CACNB2: variants seen among roughly 807,000 people sequenced by gnomAD.
The protein encoded by CACNB2 is calcium voltage-gated channel auxiliary subunit beta 2, also known as voltage-dependent L-type calcium channel subunit beta-2.
In CACNB2, 42 loss-of-function variants were observed where a neutral mutation model predicts 73.3. The ratio of observed to expected loss-of-function variants is 0.57; its 90% CI spans 0.45 to 0.74. CACNB2 has a LOEUF of 0.74. Ranked by LOEUF, CACNB2 falls within the 30% of genes least tolerant of loss-of-function variation. The probability of loss-of-function intolerance (pLI) is 0.00; values close to 1 mark genes in which losing one functional copy is unlikely to be tolerated. For synonymous variants in CACNB2, 348 were observed against 310.3 expected, an observed-to-expected ratio of 1.12 and a Z score of -1.28; for missense variants, 940 against 853.0, an observed-to-expected ratio of 1.10 and a Z score of -1.27.
intron 3 of CACNB2, among the ~76,000 whole-genome samples, chr10:18,468,009 G>A (rs956107232): frequency 2.0e-5 from 3 of 152,152 alleles, no homozygotes; most frequent in Non-Finnish European, 4.4e-5. Flanking sequence ...AATTCACAAT[G>A]TATGACTTGG....
intron 2 of CACNB2, among the ~76,000 whole-genome samples, chr10:18,318,580 G>T (rs1484341529): frequency 6.6e-6 from 1 of 152,000 alleles, no homozygotes; most frequent in African/African-American, 2.4e-5. Context: ...AAAGCAATTA[G>T]AACAAAAGCC....
intron 2 of CACNB2, among the ~76,000 whole-genome samples, chr10:18,251,106 A>T (rs1193805173): frequency 2.6e-5 from 4 of 152,200 alleles, no homozygotes; most frequent in Non-Finnish European, 1.5e-5. Context: ...ACTCAGTGGG[A>T]TTGTTTAATA....
chr10:18,167,293 C>A (rs963898090), intron 2 of CACNB2, among the ~76,000 whole-genome samples: 3 of 151,972 alleles, frequency 2.0e-5, no homozygotes, highest in Non-Finnish European at 4.4e-5. Context: ...ACACTGGGGC[C>A]TCCAAAAGGG....
intron 3 of CACNB2, among the ~76,000 whole-genome samples, chr10:18,446,752 A>G (rs2046754115): frequency 6.6e-6 from 1 of 152,080 alleles, no homozygotes; most frequent in Non-Finnish European, 1.5e-5. Flanking sequence ...TCCCATACTT[A>G]TTTGTCCACA....
At chr10:18,235,462 T>C (rs1426258393) in intron 2 of CACNB2, among the ~76,000 whole-genome samples, 1 of 152,176 alleles carries the variant, frequency 6.6e-6, no homozygotes, top group Non-Finnish European at 1.5e-5. Flanking sequence ...TGTCTCTAAA[T>C]TTTTTAAATT....
chr10:18,412,993 G>T (rs947757794), intron 3 of CACNB2, among the ~76,000 whole-genome samples: 4 of 152,064 alleles, frequency 2.6e-5, no homozygotes, highest in Non-Finnish European at 5.9e-5. Context: ...TTTTTGAGAT[G>T]GAGTTTTACT....
intron 3 of CACNB2, among the ~76,000 whole-genome samples, chr10:18,429,936 G>A (rs553224936): frequency 3.3e-5 from 5 of 151,994 alleles, no homozygotes; most frequent in Non-Finnish European, 5.9e-5. Flanking sequence ...CTGTGATCGC[G>A]CCACTGCACT....
chr10:18,534,225 A>C lies in CACNB2; in HGVS notation c.1204A>C (p.Lys402Gln). The change falls in exon 11 of 14, where the codon AAG (lysine) becomes CAG (glutamine). Residue 402 changes from lysine to glutamine, a missense_variant and splice_region_variant. Coordinates refer to ENST00000324631, the MANE Select transcript of CACNB2 (RefSeq NM_201596.3). ...AGTATATGTAAAGATTTCTTCTCCTAAGGTAAGTAGGACTGCTACTGTTTG... is the reference window on the plus strand; with the variant it reads ...AGTATATGTAAAGATTTCTTCTCCTCAGGTAAGTAGGACTGCTACTGTTTG... ...IIVYVKISSP[K>Q]VLQRLIKSRG... 6.2e-7 allele frequency: 1 copy of C among 1,611,824 alleles called. No individual in the cohort carries two copies. Among genetic ancestry groups the C allele is most frequent in the South Asian group, 1.1e-5 (1 of 91,028 alleles).
At chr10:18,503,043 T>G (rs1400780896) in intron 5 of CACNB2, among the ~76,000 whole-genome samples, 2 of 152,190 alleles carry the variant, frequency 1.3e-5, no homozygotes, top group Non-Finnish European at 2.9e-5. Flanking sequence ...ATCATTATCA[T>G]TAGCAGCAGT....
intron 2 of CACNB2, among the ~76,000 whole-genome samples, chr10:18,288,863 G>A (rs537549666): frequency 2.6e-5 from 4 of 152,186 alleles, no homozygotes; most frequent in South Asian, 2.1e-4. Flanking sequence ...TGGTCAACAC[G>A]GTGAAACCCT....
intron 2 of CACNB2, among the ~76,000 whole-genome samples, chr10:18,362,750 C>T (rs1196150275): frequency 1.3e-5 from 2 of 152,138 alleles, no homozygotes; most frequent in Admixed American, 1.3e-4. Flanking sequence ...AAACCCGTCT[C>T]TACCAAAAAT....
intron 2 of CACNB2, among the ~76,000 whole-genome samples, chr10:18,327,461 G>A (rs2040630174): frequency 6.6e-6 from 1 of 152,100 alleles, no homozygotes; most frequent in Admixed American, 6.5e-5. Context: ...GTCTCCCTCT[G>A]CCACCTAGGC....
Position 18,470,760 on chromosome 10 carries a change from A to G in CACNB2, c.334-27595A>G, listed in dbSNP as rs138223669. 6.0e-3 allele frequency among the ~76,000 whole-genome samples: 911 copies of G among 152,158 alleles called. 5 individuals carry two copies. Among genetic ancestry groups the G allele is most frequent in the African/African-American group, 0.02 (831 of 41,518 alleles). On this transcript the variant is annotated intron_variant, in intron 3 of 13. Transcript: ENST00000324631. ...CGTCTGGCACCTGGTAGGCATTGAG[A>G]TGTTTGTTGCAATCTTTCTCAAATG...
intron 2 of CACNB2, among the ~76,000 whole-genome samples, chr10:18,383,998 G>A (rs192680289): frequency 1.1e-4 from 17 of 152,242 alleles, no homozygotes; most frequent in African/African-American, 2.6e-4. Context: ...GAGCCACCAC[G>A]CCCAGCCATA....
intron 3 of CACNB2, among the ~76,000 whole-genome samples, chr10:18,423,111 C>T (rs1037097285): frequency 1.3e-5 from 2 of 150,200 alleles, no homozygotes; most frequent in Non-Finnish European, 3.0e-5. Context: ...GTTTGGAGGT[C>T]ATCATATTTT....
intron 3 of CACNB2, among the ~76,000 whole-genome samples, chr10:18,444,479 T>C (rs547689394): frequency 2.0e-4 from 30 of 152,228 alleles, no homozygotes; most frequent in Non-Finnish European, 4.0e-4. Flanking sequence ...CCTTCACAGA[T>C]GATAATTCAT....
At chr10:18,432,024 A>C (rs749533771) in intron 3 of CACNB2, among the ~76,000 whole-genome samples, 13 of 152,300 alleles carry the variant, frequency 8.5e-5, no homozygotes, top group Non-Finnish European at 1.6e-4. Flanking sequence ...TAGTCTCCCA[A>C]AGAGCTGGGA....
rs779816413 is a variant in CACNB2, at chr10:18,498,421, C to G, written c.400C>G (p.Pro134Ala). The change falls in exon 4 of 14, where the codon CCA becomes GCA. Residue 134 changes from proline to alanine, a missense_variant. Transcript: ENST00000324631. ...CAGTGCGGCCCATGAAGATGATGTT[C>G]CAGTGCCTGGCATGGCCATCTCATT... is the stretch of plus-strand genomic sequence containing the variant. ...SYSAAHEDDV[P>A]VPGMAISFEA... is the part of the protein sequence containing the mutation. The G allele has an allele frequency of 1.2e-6, 2 of 1,614,040 alleles. No individual in the cohort carries two copies. Among genetic ancestry groups the G allele is most frequent in the East Asian group, 2.2e-5 (1 of 44,878 alleles).
intron 2 of CACNB2, among the ~76,000 whole-genome samples, chr10:18,299,105 A>G (rs1003534464): frequency 6.9e-6 from 1 of 144,708 alleles, no homozygotes; most frequent in Non-Finnish European, 1.5e-5. Flanking sequence ...AAAAATAAAA[A>G]GAAAAAAATA....
Sources: allele counts gnomAD v4.1 joint callset (sites outside exome capture counted in the v4.1 genomes callset), GRCh38; gene constraint gnomAD v4.1.1; transcripts MANE v1.5; gene names NCBI Gene and HGNC (gene_info 2026-07-23, HGNC 2026-07-21).